Variants in RIMS2 observed in about 807,000 individuals in gnomAD.
RIMS2 encodes regulating synaptic membrane exocytosis protein 2.
Under a neutral mutation model 174.4 loss-of-function variants are expected in RIMS2, and 59 were observed. That is an observed-to-expected ratio of 0.34 (90% CI 0.27 to 0.42). The LOEUF (loss-of-function observed/expected upper bound fraction) is 0.42. RIMS2 is among the 10% of genes least tolerant of loss of function. The pLI is 1.00. For synonymous variants in RIMS2, 606 were observed against 572.5 expected, an observed-to-expected ratio of 1.06 and a Z score of -0.84; for missense variants, 1,620 against 1,666.3, an observed-to-expected ratio of 0.97 and a Z score of 0.48.
At chr8:104,106,250 A>G (rs1393556770) in intron 19 of RIMS2, among the ~76,000 whole-genome samples, 2 of 151,918 alleles carry the variant, frequency 1.3e-5, no homozygotes, top group African/African-American at 4.8e-5. Flanking sequence ...CTCATGTCTT[A>G]CATAAGTTTT....
intron 8 of RIMS2, among the ~76,000 whole-genome samples, 187 bp from the exon 12 acceptor site, chr8:103,918,254 G>A (rs576458111): frequency 6.6e-6 from 1 of 152,218 alleles, no homozygotes; most frequent in South Asian, 2.1e-4. Flanking sequence ...GTTGGGGTTA[G>A]CCCAGGATAC....
chr8:104,051,510 A>G (rs771925207), intron 19 of RIMS2, among the ~76,000 whole-genome samples: 23 of 152,134 alleles, frequency 1.5e-4, no homozygotes, highest in Non-Finnish European at 3.2e-4. Context: ...TGACCATATT[A>G]TAGTCCAAGG....
intron 19 of RIMS2, among the ~76,000 whole-genome samples, chr8:104,188,674 A>T (rs1252605613): frequency 6.6e-6 from 1 of 151,892 alleles, no homozygotes; most frequent in African/African-American, 2.4e-5. Flanking sequence ...TAAGCTTAAA[A>T]ATAGGACACA....
chr8:104,068,754 T>C, intron 19 of RIMS2, 142 bp downstream of exon 23: 1 of 561,826 alleles, frequency 1.8e-6, no homozygotes, highest in Non-Finnish European at 3.1e-6. Context: ...CTAAAATTTA[T>C]GTGTTTGTAT....
At chr8:103,719,425 A>C (rs1005288988) in intron 2 of RIMS2, among the ~76,000 whole-genome samples, 1 of 152,244 alleles carries the variant, frequency 6.6e-6, no homozygotes, top group Non-Finnish European at 1.5e-5. Context: ...GATTTTCTTC[A>C]GAAATGCAGA....
At chr8:103,716,525 A>G (rs2097369989) in intron 2 of RIMS2, among the ~76,000 whole-genome samples, 1 of 152,028 alleles carries the variant, frequency 6.6e-6, no homozygotes. Flanking sequence ...CACTTCATAT[A>G]TTATAGATGA....
At chr8:103,817,558 A>T (rs2098725671) in intron 3 of RIMS2, among the ~76,000 whole-genome samples, 1 of 152,206 alleles carries the variant, frequency 6.6e-6, no homozygotes, top group Admixed American at 6.5e-5. Flanking sequence ...AGCTGGGTGG[A>T]TCACTTGCGG....
chr8:104,113,065 C>T (rs1294574429), intron 19 of RIMS2, among the ~76,000 whole-genome samples: 2 of 152,064 alleles, frequency 1.3e-5, no homozygotes. Context: ...TAGTACTTCT[C>T]TTTCATAATT....
chr8:103,630,580 C>CAAAAAAAA (rs61194218), intron 1 of RIMS2, among the ~76,000 whole-genome samples: 100 of 86,760 alleles, frequency 1.2e-3, no homozygotes, highest in East Asian at 2.9e-3. Flanking sequence ...AACTCCATCT[C>CAAAAAAAA]AAAAAAAAAA....
chr8:104,014,755 A>G (rs1397276460), intron 19 of RIMS2, 140 bp downstream of exon 21: 11 of 438,254 alleles, frequency 2.5e-5, no homozygotes, highest in Non-Finnish European at 4.4e-5. Flanking sequence ...AGTTATATTT[A>G]TAAATATTAT....
chr8:103,845,962 T>C (rs372371139), intron 3 of RIMS2, among the ~76,000 whole-genome samples: 10 of 152,282 alleles, frequency 6.6e-5, no homozygotes, highest in African/African-American at 2.4e-4. Flanking sequence ...TACTTACTGG[T>C]GACCTTAACT....
At chr8:104,086,588 C>T (rs2097541270) in intron 19 of RIMS2, among the ~76,000 whole-genome samples, 1 of 152,042 alleles carries the variant, frequency 6.6e-6, no homozygotes, top group African/African-American at 2.4e-5. Flanking sequence ...GTAAATTATC[C>T]AGGAAAAATT....
At chr8:104,061,044 C>G (rs1334144118) in intron 19 of RIMS2, among the ~76,000 whole-genome samples, 2 of 152,220 alleles carry the variant, frequency 1.3e-5, no homozygotes, top group East Asian at 3.9e-4. Flanking sequence ...AATGTATATT[C>G]CGTTGATTTG....
At chr8:103,654,460 ATTTC>A (rs1156886452) in intron 1 of RIMS2, among the ~76,000 whole-genome samples, 3 of 151,940 alleles carry the variant, frequency 2.0e-5, no homozygotes, top group Non-Finnish European at 4.4e-5. Flanking sequence ...TTCAGTTAAG[ATTTC>A]TTTGACAACT....
intron 1 of RIMS2, among the ~76,000 whole-genome samples, chr8:103,688,213 A>G (rs2096965956): frequency 6.6e-6 from 1 of 151,892 alleles, no homozygotes. Context: ...ACCGTTGAGT[A>G]TGATGTTAGC....
Position 103,766,333 on chromosome 8 carries a change from A to T in RIMS2, c.494A>T (p.Lys165Met), listed in dbSNP as rs1223959483. The T allele has an allele frequency of 1.2e-6, 2 of 1,613,344 alleles. No individual in the cohort carries two copies. Among genetic ancestry groups the T allele is most frequent in the Admixed American group, 3.3e-5 (2 of 60,024 alleles). ...AATACACCACAGCAACCTGATCAAA[A>T]GGTTCTTCGAGGGCTAAGAAATGAG... Residue 165 changes from lysine to methionine, a missense_variant, in exon 3 of 24, where the codon AAG (lysine) becomes ATG (methionine). Lys to Met is a moderately conservative substitution (Grantham distance 95, BLOSUM62 -1). Transcript: ENST00000504942.
At chr8:104,114,513 C>T (rs10955338) in intron 19 of RIMS2, among the ~76,000 whole-genome samples, 86,132 of 151,728 alleles carry the variant, frequency 0.57, 27,334 homozygotes, top group East Asian at 0.92. Context: ...TTAGGTACTA[C>T]TATTTTCCTT....
intron 2 of RIMS2, among the ~76,000 whole-genome samples, chr8:103,752,131 G>T (rs375075352): frequency 9.9e-5 from 15 of 152,110 alleles, no homozygotes; most frequent in Admixed American, 5.9e-4. Context: ...TTTTGTATAA[G>T]GTGTAAGGAA....
At chr8:104,091,875 T>C (rs1231825128) in intron 19 of RIMS2, among the ~76,000 whole-genome samples, 1 of 151,712 alleles carries the variant, frequency 6.6e-6, no homozygotes, top group Non-Finnish European at 1.5e-5. Context: ...TCTATTTAAA[T>C]AGATATTTCC....
Sources: allele counts gnomAD v4.1 joint callset (sites outside exome capture counted in the v4.1 genomes callset), GRCh38; gene constraint gnomAD v4.1.1; transcripts MANE v1.5; gene names NCBI Gene and HGNC (gene_info 2026-07-23, HGNC 2026-07-21).